Variants in ADAMTS15 observed in about 807,000 individuals in gnomAD.
ADAMTS15 encodes the protein A disintegrin and metalloproteinase with thrombospondin motifs 15.
In ADAMTS15, 35 loss-of-function variants were observed where a neutral mutation model predicts 79.1. The ratio of observed to expected loss-of-function variants is 0.44; its 90% CI spans 0.34 to 0.59. The LOEUF is 0.59. Ranked by LOEUF, ADAMTS15 falls within the 20% of genes least tolerant of loss-of-function variation. The probability of loss-of-function intolerance (pLI) is 0.02; values close to 1 mark genes in which losing one functional copy is unlikely to be tolerated. For missense variants in ADAMTS15, 1,324 were observed against 1,318.7 expected (o/e 1.00, Z -0.06); for synonymous variants, 616 against 567.3 (o/e 1.09, Z -1.22).
chr11:130,472,629 G>A lies in ADAMTS15; in HGVS notation c.2079-418G>A, dbSNP rs1212195382. Among the ~76,000 whole-genome samples the A allele has an allele frequency of 1.3e-5, 2 of 152,096 alleles. No homozygotes were observed. Among genetic ancestry groups the A allele is most frequent in the African/African-American group, 4.8e-5 (2 of 41,412 alleles). ...AGGGCCAGTGTCCTCTCACTGCATT[G>A]AGCTCCTAGCCTCAGGCTCTGGGAT... On this transcript the variant is annotated intron_variant, in intron 7 of 7. Transcript: ENST00000299164. This position sits in a 1 kb window ranked among gnomAD's most constrained non-coding sequence, Gnocchi z 4.7.
At chr11:130,450,431 C>G (rs1040261110) in intron 1 of ADAMTS15, 4 of 985,416 alleles carry the variant, frequency 4.1e-6, no homozygotes, top group Non-Finnish European at 4.8e-6. Context: ...ACACGTTGTC[C>G]CCTCTCTGTA....
chr11:130,454,049 C>T (rs1359667818), intron 1 of ADAMTS15, among the ~76,000 whole-genome samples: 1 of 152,214 alleles, frequency 6.6e-6, no homozygotes, highest in Non-Finnish European at 1.5e-5. Flanking sequence ...AACTCCTGGG[C>T]TCAAGCGGTT....
chr11:130,453,941 C>T (rs150173390), intron 1 of ADAMTS15, among the ~76,000 whole-genome samples: 1 of 152,212 alleles, frequency 6.6e-6, no homozygotes, highest in Non-Finnish European at 1.5e-5. Flanking sequence ...GGACTACAGG[C>T]ATATGACTAA....
At chr11:130,468,027 G>T (rs566874523) in intron 4 of ADAMTS15, among the ~76,000 whole-genome samples, 1 of 152,174 alleles carries the variant, frequency 6.6e-6, no homozygotes, top group Non-Finnish European at 1.5e-5. Flanking sequence ...TTTTTTATCC[G>T]CAGGGCTGGG....
chr11:130,467,243 T>A (rs770255789), intron 4 of ADAMTS15, among the ~76,000 whole-genome samples: 103 of 152,114 alleles, frequency 6.8e-4, no homozygotes, highest in Non-Finnish European at 1.2e-3. Flanking sequence ...CTTTCAGTCT[T>A]CTGATGGCCA....
chr11:130,454,419 G>A (rs1455529394), intron 1 of ADAMTS15, among the ~76,000 whole-genome samples: 4 of 152,204 alleles, frequency 2.6e-5, no homozygotes, highest in African/African-American at 7.2e-5. Flanking sequence ...TGAAACAGAC[G>A]CCAGTTCTTT....
chr11:130,450,391 G>A (rs1937939918), intron 1 of ADAMTS15: 1 of 985,460 alleles, frequency 1.0e-6, no homozygotes, highest in East Asian at 1.1e-4. Flanking sequence ...GGTGATCCAA[G>A]GTCAGCGCTT....
chr11:130,470,206 ATATG>A (rs1565397933), intron 5 of ADAMTS15, among the ~76,000 whole-genome samples: 6 of 64,024 alleles, frequency 9.4e-5, no homozygotes, highest in South Asian at 8.8e-4. Context: ...ATATATATAT[ATATG>A]TATATATATA....
chr11:130,470,856 C>T (rs746554815), intron 5 of ADAMTS15, 64 bp from the exon 6 acceptor site: 10 of 1,540,688 alleles, frequency 6.5e-6, no homozygotes, highest in African/African-American at 2.7e-5. Flanking sequence ...GGGAGGGAGG[C>T]TTGTCCTTTG....
chr11:130,448,852 G>C lies in ADAMTS15; in HGVS notation c.-122G>C. On this transcript the variant is annotated 5_prime_UTR_variant, in exon 1 of 8. Transcript: ENST00000299164. ...TCCCTCCCTTGGCTCTCCTTTCTGG[G>C]AACTGCCGGCTGTCCCGTAGCGTTG... 1.4e-6 allele frequency: 1 copy of C among 728,426 alleles called. No individual in the cohort carries two copies. Among genetic ancestry groups the C allele is most frequent in the Non-Finnish European group, 1.9e-6 (1 of 512,922 alleles). 45.1% of individuals were successfully genotyped at this position (728,426 alleles called of 1,614,324 possible).
rs1397062740 is a variant in ADAMTS15, at chr11:130,448,991, C to T, written c.18C>T (p.Ile6=). The T allele has an allele frequency of 2.7e-6, 4 of 1,508,494 alleles. No homozygotes were observed. The South Asian group carries it at 4.2e-5, about 16-fold the overall frequency. The allele number at this position is 1,508,494 out of a possible 1,614,324, so 93.4% of individuals were successfully genotyped here. MLLLG[I]LTLAFAGRTA... ...CCGGCGCCATGCTTCTGCTGGGCAT[C>T]CTAACCCTGGCTTTCGCCGGGCGAA... The change falls in exon 1 of 8, where the codon ATC becomes ATT. Residue 6 remains isoleucine (I), a synonymous_variant. Coordinates refer to ENST00000299164, the MANE Select transcript of ADAMTS15 (RefSeq NM_139055.4).
chr11:130,463,900 G>A (rs1319034233), intron 4 of ADAMTS15, among the ~76,000 whole-genome samples: 3 of 152,282 alleles, frequency 2.0e-5, no homozygotes, highest in South Asian at 2.1e-4. Flanking sequence ...AAATTGTCAC[G>A]GGAGAACCAG....
At chr11:130,460,277 GT>G (rs200642180) in intron 1 of ADAMTS15, among the ~76,000 whole-genome samples, 4,637 of 143,672 alleles carry the variant, frequency 0.032, 159 homozygotes, top group African/African-American at 0.088. Flanking sequence ...CACATCTTCT[GT>G]TTTTTTTTTT....
At position 130,470,841 on chromosome 11, in the gene ADAMTS15, A is replaced by G. The variant is rs181219515; in HGVS notation, c.1721-79A>G. ...TGGGAAGGGCTAAGAGAGCCACGGCAGGCTGGGAGGGAGGCTTGTCCTTTG... is the reference window on the plus strand; with the variant it reads ...TGGGAAGGGCTAAGAGAGCCACGGCGGGCTGGGAGGGAGGCTTGTCCTTTG... On this transcript the variant is annotated intron_variant, in intron 5 of 7. Coordinates refer to ENST00000299164, the MANE Select transcript of ADAMTS15 (RefSeq NM_139055.4). 7.8e-5 allele frequency: 115 copies of G among 1,482,854 alleles called. No homozygotes were observed. The East Asian group carries it at 2.5e-3, about 32-fold the overall frequency. 91.9% of individuals were successfully genotyped at this position (1,482,854 alleles called of 1,614,324 possible).
chr11:130,469,509 C>T, intron 5 of ADAMTS15, 70 bp downstream of exon 5: 1 of 1,207,208 alleles, frequency 8.3e-7, no homozygotes, highest in Middle Eastern at 2.9e-4. Context: ...CACCCCACCC[C>T]TACTCCATGT....
rs1481973591 is a variant in ADAMTS15, at chr11:130,449,654, C to G, written c.681C>G (p.Asp227Glu). ...ACGTGGAGACGCTGGTGGTCGCGGA[C>G]GAGTCAATGGTCAAGTTCCACGGCG... is the stretch of plus-strand genomic sequence containing the variant. ...PRYVETLVVA[D>E]ESMVKFHGAD... Residue 227 changes from aspartate to glutamate, a missense_variant, in exon 1 of 8, where the codon GAC (aspartate) becomes GAG (glutamate). By Grantham distance (45) the Asp-to-Glu change is conservative (BLOSUM62 2). Coordinates refer to ENST00000299164, the MANE Select transcript of ADAMTS15 (RefSeq NM_139055.4). This position sits in a 1 kb window ranked among gnomAD's most constrained non-coding sequence, Gnocchi z 7.8. The G allele has an allele frequency of 2.5e-6, 4 of 1,593,550 alleles. No individual in the cohort carries two copies. Among genetic ancestry groups the G allele is most frequent in the Non-Finnish European group, 3.4e-6 (4 of 1,171,182 alleles).
chr11:130,452,842 G>A (rs911501978), intron 1 of ADAMTS15, among the ~76,000 whole-genome samples: 2 of 152,130 alleles, frequency 1.3e-5, no homozygotes, highest in Non-Finnish European at 2.9e-5. Context: ...TTAGCTGGGC[G>A]TGGTGGCTCA....
chr11:130,452,368 G>A (rs1420569391), intron 1 of ADAMTS15, among the ~76,000 whole-genome samples: 1 of 152,224 alleles, frequency 6.6e-6, no homozygotes. Flanking sequence ...GCAGGGTGAG[G>A]TCAGCACAGG....
intron 5 of ADAMTS15, among the ~76,000 whole-genome samples, chr11:130,469,976 T>G (rs1050799115): frequency 6.6e-6 from 1 of 151,322 alleles, no homozygotes; most frequent in Admixed American, 6.6e-5. Flanking sequence ...ACTACAATAG[T>G]AGTAGAAGTA....
Sources: gnomAD v4.1 joint callset for allele counts (sites outside exome capture counted in the v4.1 genomes callset) on GRCh38, gnomAD v4.1.1 for gene constraint, Gnocchi (gnomAD v3.1) non-coding constraint, MANE v1.5 for transcripts, NCBI Gene and HGNC (gene_info 2026-07-23, HGNC 2026-07-21) for gene names.